RASGRF1: variants seen among roughly 807,000 people sequenced by gnomAD.
RASGRF1 encodes Ras protein specific guanine nucleotide releasing factor 1, also known as ras-specific guanine nucleotide-releasing factor 1.
Under a neutral mutation model 138.7 loss-of-function variants are expected in RASGRF1, and 40 were observed. The observed-to-expected ratio is 0.29, with a 90% CI of 0.22 to 0.38. RASGRF1 has a LOEUF of 0.38. Ranked by LOEUF, RASGRF1 falls within the 10% of genes least tolerant of loss-of-function variation. The pLI, the probability that RASGRF1 is intolerant of heterozygous loss-of-function variation, is 1.00. For synonymous variants in RASGRF1, 614 were observed against 663.2 expected (o/e 0.93, Z 1.14); for missense variants, 1,108 against 1,650.4 (o/e 0.67, Z 5.69).
chr15:78,972,406 T>A (rs1291553416), intron 25 of RASGRF1, among the ~76,000 whole-genome samples: 3 of 151,462 alleles, frequency 2.0e-5, no homozygotes, highest in African/African-American at 7.3e-5. Flanking sequence ...CATGTTTTTT[T>A]TCTTTTTTTT....
chr15:78,980,483 T>C (rs1301417402), intron 24 of RASGRF1, 137 bp downstream of exon 24: 1 of 600,856 alleles, frequency 1.7e-6, no homozygotes, highest in South Asian at 2.7e-5. Flanking sequence ...GTCCAGGAAA[T>C]CTAGGGGTCT....
At chr15:79,059,936 A>G (rs184740932) in intron 2 of RASGRF1, among the ~76,000 whole-genome samples, 1 of 150,578 alleles carries the variant, frequency 6.6e-6, no homozygotes, top group African/African-American at 2.4e-5. Context: ...ATGGCTGTGG[A>G]AGACAGCCAG....
intron 11 of RASGRF1, among the ~76,000 whole-genome samples, chr15:79,018,188 A>G (rs532280991): frequency 6.6e-6 from 1 of 152,318 alleles, no homozygotes; most frequent in South Asian, 2.1e-4. Flanking sequence ...CATTACACCA[A>G]TGGAGGTGAG....
chr15:79,032,400 C>T lies in RASGRF1; in HGVS notation c.959-84G>A, dbSNP rs2057153965. 7 of 1,361,328 alleles carry T rather than the reference C, an allele frequency of 5.1e-6. No homozygotes were observed. Among genetic ancestry groups the T allele is most frequent in the Non-Finnish European group, 7.1e-6 (7 of 980,324 alleles). 84.3% of individuals were successfully genotyped at this position (1,361,328 alleles called of 1,614,324 possible). On this transcript the variant is annotated intron_variant, in intron 6 of 26. Coordinates refer to ENST00000558480, the MANE Select transcript of RASGRF1 (RefSeq NM_001145648.3). The surrounding 1 kb of genome is among the most constrained non-coding windows in gnomAD (Gnocchi z 4.5). ...TAGGCCCTTGGCTCCCCCAGCTACA[C>T]CCAGAGAGGCCAGGGGCCAGGTTCA...
intron 1 of RASGRF1, among the ~76,000 whole-genome samples, chr15:79,066,974 G>T (rs2057688968): frequency 6.6e-6 from 1 of 152,102 alleles, no homozygotes; most frequent in South Asian, 2.1e-4. Context: ...GCCTCGCTCT[G>T]ACCCCATCAC....
chr15:79,086,706 G>C (rs1048963172), intron 1 of RASGRF1, among the ~76,000 whole-genome samples: 4 of 152,166 alleles, frequency 2.6e-5, no homozygotes, highest in Non-Finnish European at 5.9e-5. Context: ...GACCCTTCCT[G>C]GTTGGGAAGA....
At chr15:79,061,231 A>G (rs1234276014) in intron 2 of RASGRF1, among the ~76,000 whole-genome samples, 2 of 151,990 alleles carry the variant, frequency 1.3e-5, no homozygotes. Flanking sequence ...GAGTCTTCAG[A>G]GAGGAGCTCA....
intron 24 of RASGRF1, 174 bp downstream of exon 24, chr15:78,980,446 C>A: frequency 2.1e-6 from 1 of 472,402 alleles, no homozygotes; most frequent in African/African-American, 1.9e-5. Flanking sequence ...GTTTCTCTGG[C>A]AGACCATGGA....
At chr15:78,969,922 A>G (rs2055717320) in intron 26 of RASGRF1, among the ~76,000 whole-genome samples, 1 of 152,182 alleles carries the variant, frequency 6.6e-6, no homozygotes, top group African/African-American at 2.4e-5. Context: ...CTCAATGAAT[A>G]TTTGTGGAGT....
intron 24 of RASGRF1, among the ~76,000 whole-genome samples, chr15:78,979,482 G>A (rs1287536837): frequency 4.6e-5 from 7 of 152,174 alleles, no homozygotes; most frequent in Non-Finnish European, 5.9e-5. Context: ...AGGGAACCGG[G>A]ACCCCAGGGA....
chr15:79,018,157 TCA>T (rs1290899391), intron 11 of RASGRF1, among the ~76,000 whole-genome samples: 5 of 152,252 alleles, frequency 3.3e-5, no homozygotes, highest in African/African-American at 1.2e-4. Context: ...CCTTTAGGAA[TCA>T]CAGTCTGCCC....
At chr15:79,072,740 C>T (rs1010324405) in intron 1 of RASGRF1, among the ~76,000 whole-genome samples, 1 of 152,142 alleles carries the variant, frequency 6.6e-6, no homozygotes, top group Non-Finnish European at 1.5e-5. Context: ...CTCAGAGTTA[C>T]AAGGTTGGGC....
intron 22 of RASGRF1, 185 bp from the exon 23 acceptor site, chr15:78,985,389 T>G: frequency 1.7e-6 from 1 of 587,810 alleles, no homozygotes; most frequent in South Asian, 2.3e-5. Flanking sequence ...AATGAAAAGT[T>G]TATATATACA....
intron 17 of RASGRF1, among the ~76,000 whole-genome samples, chr15:78,999,512 G>A (rs1331424426): frequency 2.0e-5 from 3 of 152,120 alleles, no homozygotes; most frequent in South Asian, 4.1e-4. Flanking sequence ...AGTGGAAGGC[G>A]GTGCCCAAGC....
At chr15:78,987,163 T>C (rs1043205462) in intron 22 of RASGRF1, among the ~76,000 whole-genome samples, 3 of 152,164 alleles carry the variant, frequency 2.0e-5, no homozygotes, top group Admixed American at 1.3e-4. Context: ...GTCCCTGGAA[T>C]GCAAGGATGA....
At position 79,063,022 on chromosome 15, in the gene RASGRF1, T is replaced by A. The variant is rs369105727; in HGVS notation, c.383+1398A>T. On this transcript the variant is annotated intron_variant, in intron 2 of 26. Coordinates refer to ENST00000558480, the MANE Select transcript of RASGRF1 (RefSeq NM_001145648.3). ...CCATTAAGTCTGACTCCCAATCCCCTTACTCAGGCCAAATCTTACCCTATT... is the reference window on the plus strand; with the variant it reads ...CCATTAAGTCTGACTCCCAATCCCCATACTCAGGCCAAATCTTACCCTATT... Among the ~76,000 whole-genome samples the A allele has an allele frequency of 3.2e-4, 49 of 152,294 alleles. No individual in the cohort carries two copies. The East Asian group carries it at 8.9e-3, about 28-fold the overall frequency.
chr15:78,966,186 G>A (rs1000526275), intron 26 of RASGRF1, among the ~76,000 whole-genome samples: 21 of 150,420 alleles, frequency 1.4e-4, no homozygotes, highest in African/African-American at 5.1e-4. Context: ...AGCCATGCCC[G>A]AAAACTCAAA....
rs185804778 is a variant in RASGRF1 at position 79,027,850 on chromosome 15, G to A, written c.1272C>T (p.His424=). 3.3e-5 allele frequency: 53 copies of A among 1,614,128 alleles called. 1 individual carries two copies. In the Admixed American group the frequency reaches 6.3e-4, roughly 19 times the overall value. Reference sequence around the variant, plus strand: ...TGTTCTCCGTCTCACTTACTTCATCGTGCATTATTCTGTGGGGATGGGAAA... The same window carrying A: ...TGTTCTCCGTCTCACTTACTTCATCATGCATTATTCTGTGGGGATGGGAAA... ...SKLEELSRIM[H]DEVSETENIR... is the part of the protein sequence containing the mutation. The change falls in exon 9 of 27, where the codon CAC becomes CAT. Residue 424 remains histidine (H), a synonymous_variant. Transcript: ENST00000558480. This position sits in a 1 kb window ranked among gnomAD's most constrained non-coding sequence, Gnocchi z 4.8.
At chr15:78,991,863 G>T (rs1454694872) in intron 20 of RASGRF1, 69 bp from the exon 21 acceptor site, 3 of 1,283,626 alleles carry the variant, frequency 2.3e-6, no homozygotes, top group African/African-American at 1.5e-5. Flanking sequence ...ATTCCCAGCT[G>T]CCTCTGTGGG....
Sources: allele counts gnomAD v4.1 joint callset (sites outside exome capture counted in the v4.1 genomes callset), GRCh38; gene constraint gnomAD v4.1.1; non-coding constraint Gnocchi (gnomAD v3.1); transcripts MANE v1.5; gene names NCBI Gene and HGNC (gene_info 2026-07-23, HGNC 2026-07-21).